ITIH5: variants seen among roughly 807,000 people sequenced by gnomAD.
ITIH5 encodes the protein inter-alpha-trypsin inhibitor heavy chain H5.
Under a neutral mutation model 77.5 loss-of-function variants are expected in ITIH5, and 65 were observed. The ratio of observed to expected loss-of-function variants is 0.84; its 90% CI spans 0.69 to 1.03. The LOEUF is 1.03. Among genes scored for constraint, ITIH5 ranks in the 50% least tolerant of loss-of-function variants. ITIH5 has a pLI of 0.00. For missense variants in ITIH5, 1,208 were observed against 1,213.1 expected (o/e 1.00, Z 0.06); for synonymous variants, 525 against 494.3 (o/e 1.06, Z -0.82).
intron 1 of ITIH5, among the ~76,000 whole-genome samples, chr10:7,661,797 C>T (rs1834280767): frequency 6.6e-6 from 1 of 152,090 alleles, no homozygotes; most frequent in South Asian, 2.1e-4. Context: ...ACTACCTGGG[C>T]TCAGGTGATC....
chr10:7,580,130 CT>C (rs1381949918), intron 8 of ITIH5, 66 bp from the exon 9 acceptor site: 86 of 1,364,552 alleles, frequency 6.3e-5, no homozygotes, highest in Non-Finnish European at 7.3e-5. Context: ...ATTGCACTTT[CT>C]TTTTTTTGAG....
At position 7,643,745 on chromosome 10, in the gene ITIH5, C is replaced by T. The variant is rs564579016; in HGVS notation, c.136-1655G>A. Among the ~76,000 whole-genome samples the T allele has an allele frequency of 3.8e-4, 58 of 152,264 alleles. 1 individual carries two copies. The South Asian group carries it at 0.011, about 29-fold the overall frequency. The stretch of plus-strand genomic sequence containing the variant: ...TGTTTTCAAAACAGATATAAGGTTG[C>T]GACCTATTGCTATCAAAGACATATT... On this transcript the variant is annotated intron_variant, in intron 2 of 13. Transcript: ENST00000397146.
intron 10 of ITIH5, among the ~76,000 whole-genome samples, chr10:7,575,662 A>T (rs1270709503): frequency 1.3e-5 from 2 of 152,094 alleles, no homozygotes; most frequent in Admixed American, 6.6e-5. Context: ...TCAGAGACTG[A>T]CATGGAAAGA....
At chr10:7,645,921 T>TA (rs1231108786) in intron 2 of ITIH5, among the ~76,000 whole-genome samples, 2 of 152,230 alleles carry the variant, frequency 1.3e-5, no homozygotes, top group African/African-American at 4.8e-5. Context: ...GGGTTTTTTT[T>TA]AAAGTTAAAA....
intron 7 of ITIH5, among the ~76,000 whole-genome samples, chr10:7,609,933 G>A (rs75137010): frequency 0.024 from 3,659 of 152,144 alleles, 155 homozygotes; most frequent in African/African-American, 0.083. Flanking sequence ...TCAAGGAAAA[G>A]CATATTCTTA....
At chr10:7,565,543 T>A (rs771107872) in intron 13 of ITIH5, among the ~76,000 whole-genome samples, 6 of 149,696 alleles carry the variant, frequency 4.0e-5, no homozygotes, top group Non-Finnish European at 8.9e-5. Context: ...TACTTATCAG[T>A]CTGTGTATAC....
At position 7,559,966 on chromosome 10, in the gene ITIH5, C is replaced by T. The variant is rs573806615; in HGVS notation, c.*3117G>A. On this transcript the variant is annotated 3_prime_UTR_variant, in exon 14 of 14. Transcript: ENST00000397146. Reference sequence around the variant, plus strand: ...TGCCTGGTTCAAGCGATTCTCCTGCCTCAGCCTCCCAAGTAGCTGGAACTA... The same window carrying T: ...TGCCTGGTTCAAGCGATTCTCCTGCTTCAGCCTCCCAAGTAGCTGGAACTA... 1 of 408,526 alleles carries T rather than the reference C, an allele frequency of 2.4e-6. No homozygotes were observed. The highest frequency in any genetic ancestry group is 7.4e-5 in the East Asian group (1 of 13,434). 25.3% of individuals were successfully genotyped at this position (408,526 alleles called of 1,614,324 possible). A position where few individuals can be genotyped will look rare whatever the true frequency, so the allele number is the denominator to read the frequency against.
At chr10:7,587,896 G>A (rs774646716) in intron 7 of ITIH5, among the ~76,000 whole-genome samples, 7 of 152,078 alleles carry the variant, frequency 4.6e-5, no homozygotes, top group Non-Finnish European at 8.8e-5. Flanking sequence ...AGATGGCCCC[G>A]TCGGCCCCTC....
intron 1 of ITIH5, among the ~76,000 whole-genome samples, chr10:7,658,247 T>G (rs1834219517): frequency 6.6e-6 from 1 of 152,242 alleles, no homozygotes; most frequent in Non-Finnish European, 1.5e-5. Context: ...TATTTCCATT[T>G]TGAAGACTAA....
Position 7,566,763 on chromosome 10 carries a change from G to A in ITIH5, c.2150-356C>T, listed in dbSNP as rs1271362236. On this transcript the variant is annotated intron_variant, in intron 12 of 13. Coordinates refer to ENST00000397146, the MANE Select transcript of ITIH5 (RefSeq NM_030569.7). ...AAAAGAAGAAGAAGAAGAAGAAGAA[G>A]AAAGAAGAAAGAAGAAAGAAGAAAG... Among the ~76,000 whole-genome samples, 3 of 22,224 alleles carry A rather than the reference G, an allele frequency of 1.3e-4. 1 individual carries two copies. The highest frequency in any genetic ancestry group is 2.6e-4 in the Non-Finnish European group (3 of 11,412). The allele number at this position is 22,224 out of a possible 152,430, so 14.6% of individuals were successfully genotyped here. A position where few individuals can be genotyped will look rare whatever the true frequency, so the allele number is the denominator to read the frequency against.
At chr10:7,612,256 C>T (rs1009468397) in intron 7 of ITIH5, among the ~76,000 whole-genome samples, 12 of 152,160 alleles carry the variant, frequency 7.9e-5, no homozygotes, top group African/African-American at 1.2e-4. Context: ...TGCAGCTACA[C>T]GCTCCCATAT....
At chr10:7,565,731 G>T (rs979166397) in intron 13 of ITIH5, among the ~76,000 whole-genome samples, 59 of 147,050 alleles carry the variant, frequency 4.0e-4, no homozygotes, top group African/African-American at 1.3e-3. Flanking sequence ...TATTTATATA[G>T]AGAGACTATA....
At chr10:7,654,337 A>G (rs1350092410) in intron 2 of ITIH5, among the ~76,000 whole-genome samples, 1 of 152,190 alleles carries the variant, frequency 6.6e-6, no homozygotes, top group South Asian at 2.1e-4. Flanking sequence ...CTGGGAGGCT[A>G]TTCTCCATGA....
intron 7 of ITIH5, among the ~76,000 whole-genome samples, chr10:7,598,270 T>A (rs1276508537): frequency 6.6e-6 from 1 of 152,310 alleles, no homozygotes; most frequent in African/African-American, 2.4e-5. Flanking sequence ...AAAAAAGGTG[T>A]CTCTGTCAAC....
At chr10:7,622,798 G>A (rs918349503) in intron 5 of ITIH5, among the ~76,000 whole-genome samples, 11 of 152,150 alleles carry the variant, frequency 7.2e-5, no homozygotes, top group East Asian at 1.9e-4. Context: ...AATTTTGCAC[G>A]TAAGCGTAAA....
At chr10:7,613,307 T>C (rs1256885516) in intron 7 of ITIH5, among the ~76,000 whole-genome samples, 3 of 151,468 alleles carry the variant, frequency 2.0e-5, no homozygotes, top group Middle Eastern at 3.5e-3. Flanking sequence ...CTTCACAAGG[T>C]ATTTGGTAAA....
chr10:7,576,999 T>C lies in ITIH5; in HGVS notation c.1432A>G (p.Ile478Val), dbSNP rs753501412. The part of the protein sequence containing the change: ...GSQLIGFYDE[I>V]RTPLLSDIRI... ...ATGTCAGAGAGGAGCGGGGTCCTGATTTCATCGTAGAACCTGCAGTGGAAG... is the reference window on the plus strand; with the variant it reads ...ATGTCAGAGAGGAGCGGGGTCCTGACTTCATCGTAGAACCTGCAGTGGAAG... Residue 478 changes from isoleucine to valine, a missense_variant, in exon 10 of 14, where the codon ATC (isoleucine) becomes GTC (valine). Ile to Val is a conservative substitution (Grantham distance 29). Coordinates refer to ENST00000397146, the MANE Select transcript of ITIH5 (RefSeq NM_030569.7). 6.2e-7 allele frequency: 1 copy of C among 1,609,130 alleles called. No individual in the cohort carries two copies.
intron 9 of ITIH5, chr10:7,578,493 CCT>C (rs1832470229): frequency 6.2e-6 from 1 of 161,976 alleles, no homozygotes; most frequent in Non-Finnish European, 1.5e-5. Flanking sequence ...CAGATTCTCC[CCT>C]TTGACTCTAG....
intron 2 of ITIH5, among the ~76,000 whole-genome samples, chr10:7,647,400 C>T (rs1834023633): frequency 6.6e-6 from 1 of 152,202 alleles, no homozygotes; most frequent in Admixed American, 6.5e-5. Context: ...AGCTGCACTG[C>T]CCCCTCCAGA....
Sources: gnomAD v4.1 joint callset for allele counts (sites outside exome capture counted in the v4.1 genomes callset) on GRCh38, gnomAD v4.1.1 for gene constraint, MANE v1.5 for transcripts, NCBI Gene and HGNC (gene_info 2026-07-23, HGNC 2026-07-21) for gene names.